IL17RA: variants seen among roughly 807,000 people sequenced by gnomAD.
IL17RA encodes the protein interleukin-17 receptor A.
IL17RA carries 34 observed loss-of-function variants against 50.4 expected under a neutral mutation model. The ratio of observed to expected loss-of-function variants is 0.67; its 90% CI spans 0.51 to 0.90. The LOEUF (loss-of-function observed/expected upper bound fraction) is 0.90. Among genes scored for constraint, IL17RA ranks in the 40% least tolerant of loss-of-function variants. The pLI is 0.00. For synonymous variants in IL17RA, 585 were observed against 510.4 expected (o/e 1.15, Z -1.97); for missense variants, 1,276 against 1,169.8 (o/e 1.09, Z -1.32).
intron 1 of IL17RA, among the ~76,000 whole-genome samples, chr22:17,087,036 C>T (rs1156978120): frequency 6.6e-6 from 1 of 152,210 alleles, no homozygotes; most frequent in African/African-American, 2.4e-5. Context: ...TCATATTTGT[C>T]TGCAGTCTCT....
chr22:17,098,022 C>T, intron 3 of IL17RA, 79 bp downstream of exon 3: 1 of 1,540,596 alleles, frequency 6.5e-7, no homozygotes, highest in Non-Finnish European at 8.9e-7. Context: ...CAGGATTGGG[C>T]TCCCAGTCCT....
In IL17RA at chr22:17,085,156, T is replaced by G; in HGVS notation, c.65T>G (p.Leu22Arg). The part of the protein sequence containing the change: ...PGPLLGLLLL[L>R]LGVLAPGGAS... Reference sequence around the variant, plus strand: ...CCCCTGCTGGGGCTGCTCCTGCTGCTCCTGGGCGTGCTGGCCCCGGGTGGC... The same window carrying G: ...CCCCTGCTGGGGCTGCTCCTGCTGCGCCTGGGCGTGCTGGCCCCGGGTGGC... Residue 22 changes from leucine to arginine, a missense_variant, in exon 1 of 13, where the codon CTC becomes CGC. Transcript: ENST00000319363. 1 of 1,520,534 alleles carries G rather than the reference T, an allele frequency of 6.6e-7. No homozygotes were observed. The highest frequency in any genetic ancestry group is 8.8e-7 in the Non-Finnish European group (1 of 1,140,004). 94.2% of individuals were successfully genotyped at this position (1,520,534 alleles called of 1,614,324 possible).
Position 17,109,189 on chromosome 22 carries a change from G to A in IL17RA, c.1970G>A (p.Arg657Gln), listed in dbSNP as rs1341181529. ...AAGCTGGAACCTCACCTGCAGCCCC[G>A]GGGTCAGCCAGCGCCGCAGCCCCTC... ...VAKLEPHLQP[R>Q]GQPAPQPLHT... is the part of the protein sequence containing the mutation. Residue 657 changes from arginine (R) to glutamine (Q), a missense_variant, in exon 13 of 13, where the codon CGG becomes CAG. Physicochemically the swap from Arg to Gln is conservative, Grantham distance 43. Coordinates refer to ENST00000319363, the MANE Select transcript of IL17RA (RefSeq NM_014339.7). 5.9e-6 allele frequency: 9 copies of A among 1,518,974 alleles called. No homozygotes were observed. In the Middle Eastern group the frequency reaches 6.9e-4, roughly 117 times the overall value. 94.1% of individuals were successfully genotyped at this position (1,518,974 alleles called of 1,614,324 possible).
chr22:17,097,742 G>T, intron 2 of IL17RA, 55 bp from the exon 3 acceptor site: 4 of 1,608,522 alleles, frequency 2.5e-6, no homozygotes, highest in African/African-American at 1.3e-5. Context: ...TGCTGCTGGG[G>T]CATCTCAGGG....
At position 17,102,027 on chromosome 22, in the gene IL17RA, G is replaced by A. The variant is rs774719700; in HGVS notation, c.582G>A (p.Thr194=). 13 of 1,614,190 alleles carry A rather than the reference G, an allele frequency of 8.1e-6. No homozygotes were observed. The highest frequency in any genetic ancestry group is 1.6e-4 in the Middle Eastern group (1 of 6,062). ...DCEHARMKVT[T]PCMSSGSLWD... is the part of the protein sequence containing the mutation. Reference sequence around the variant, plus strand: ...AGCACGCCAGGATGAAGGTAACCACGCCATGCATGAGCTCAGGTAACAGCT... The same window carrying A: ...AGCACGCCAGGATGAAGGTAACCACACCATGCATGAGCTCAGGTAACAGCT... The change falls in exon 6 of 13, where the codon ACG becomes ACA. Residue 194 remains threonine, a synonymous_variant. Transcript: ENST00000319363.
chr22:17,101,991 G>A lies in IL17RA; in HGVS notation c.551-5G>A, dbSNP rs747009874. The stretch of plus-strand genomic sequence containing the variant: ...TAATGAGTTTCCTTTTTTCTGGGTC[G>A]ACAGACTGTGAGCACGCCAGGATGA... On this transcript the variant is annotated splice_region_variant and splice_polypyrimidine_tract_variant and intron_variant, in intron 5 of 12. Transcript: ENST00000319363. The A allele has an allele frequency of 2.5e-6, 4 of 1,614,182 alleles. No homozygotes were observed. Among genetic ancestry groups the A allele is most frequent in the South Asian group, 2.2e-5 (2 of 91,080 alleles).
intron 8 of IL17RA, among the ~76,000 whole-genome samples, chr22:17,104,427 C>T (rs2061405420): frequency 6.6e-6 from 1 of 151,890 alleles, no homozygotes; most frequent in African/African-American, 2.4e-5. Context: ...GGAGCGTGCA[C>T]AGTCTGGCAT....
chr22:17,102,284 C>T lies in IL17RA; in HGVS notation c.744C>T (p.His248=). The change falls in exon 7 of 13, where the codon CAC becomes CAT. Residue 248 remains histidine, a synonymous_variant. Transcript: ENST00000319363. ...TGGAGAACCACAGTTGCTTTGAGCA[C>T]ATGCACCACATACCTGCGGTAACTC... is the stretch of plus-strand genomic sequence containing the variant. ...PHMENHSCFE[H]MHHIPAPRPE... 1 of 1,614,208 alleles carries T rather than the reference C, an allele frequency of 6.2e-7. No individual in the cohort carries two copies. The highest frequency in any genetic ancestry group is 8.5e-7 in the Non-Finnish European group (1 of 1,180,044).
rs1325645993 is a variant in IL17RA at position 17,114,740 on chromosome 22, C to T, written c.*4920C>T. 1.1e-4 allele frequency: 17 copies of T among 152,212 alleles called. No individual in the cohort carries two copies. 9.4% of individuals were successfully genotyped at this position (152,212 alleles called of 1,614,324 possible). On this transcript the variant is annotated 3_prime_UTR_variant, in exon 13 of 13. Transcript: ENST00000319363. ...CTGCTTTTTTGCTAGAATGGCTGAG[C>T]TTTCATGGAAAGGAAGCTGGACCCA...
chr22:17,093,366 G>A (rs1045049386), intron 1 of IL17RA, among the ~76,000 whole-genome samples: 1 of 152,066 alleles, frequency 6.6e-6, no homozygotes, highest in African/African-American at 2.4e-5. Context: ...GGAAAGAGAG[G>A]ATAAGGTTCC....
intron 4 of IL17RA, 78 bp from the exon 5 acceptor site, chr22:17,100,277 G>A: frequency 6.4e-7 from 1 of 1,567,498 alleles, no homozygotes. Context: ...GAGTGGGTGG[G>A]AACGGGGGTC....
At position 17,109,008 on chromosome 22, in the gene IL17RA, GA is replaced by G; in HGVS notation, c.1790del (p.Asp597ValfsTer22). ...GAACCTCTACTCAGCAGATGACCAG[GA>G]TGCCCCGTCCCTGGACGAAGAGGTG... ...CENLYSADDQ[D>X]APSLDEEVFE... On this transcript the variant is annotated frameshift_variant, in exon 13 of 13. Coordinates refer to ENST00000319363, the MANE Select transcript of IL17RA (RefSeq NM_014339.7). LOFTEE classifies it low-confidence loss of function (END_TRUNC). 1 of 1,600,354 alleles carries G rather than the reference GA, an allele frequency of 6.2e-7. No homozygotes were observed. Among genetic ancestry groups the G allele is most frequent in the Non-Finnish European group, 8.5e-7 (1 of 1,179,150 alleles).
At chr22:17,097,273 T>C in intron 2 of IL17RA, 187 bp downstream of exon 2, 1 of 663,204 alleles carries the variant, frequency 1.5e-6, no homozygotes, top group South Asian at 1.6e-5. Flanking sequence ...ACATTCATTA[T>C]GCAAAAGTCA....
In IL17RA at chr22:17,107,811, G is replaced by C. The variant is rs760682017; in HGVS notation, c.1087+43G>C. 23 of 1,574,954 alleles carry C rather than the reference G, an allele frequency of 1.5e-5. No individual in the cohort carries two copies. The Admixed American group carries it at 3.8e-4, about 26-fold the overall frequency. On this transcript the variant is annotated intron_variant, in intron 12 of 12. Transcript: ENST00000319363. ...TGCATGTTTGCTTATTTTTAAAGCA[G>C]TGGAGGGTTCTCCTGGGATAAGTGC...
intron 9 of IL17RA, among the ~76,000 whole-genome samples, chr22:17,105,127 C>T (rs1054081764): frequency 3.3e-5 from 5 of 152,188 alleles, no homozygotes; most frequent in Admixed American, 2.0e-4. Context: ...GAGCGCAGTG[C>T]TCCAACATGC....
At chr22:17,092,091 A>G (rs2061350274) in intron 1 of IL17RA, among the ~76,000 whole-genome samples, 1 of 152,046 alleles carries the variant, frequency 6.6e-6, no homozygotes, top group African/African-American at 2.4e-5. Context: ...TGGGAAGGGG[A>G]GAGGGAACTG....
chr22:17,104,652 C>G, intron 8 of IL17RA, 74 bp from the exon 9 acceptor site: 1 of 1,351,142 alleles, frequency 7.4e-7, no homozygotes, highest in Non-Finnish European at 1.1e-6. Context: ...CCTCCTCTCA[C>G]ATTGCCGCTG....
At chr22:17,089,464 A>G (rs749148118) in intron 1 of IL17RA, among the ~76,000 whole-genome samples, 7 of 152,216 alleles carry the variant, frequency 4.6e-5, no homozygotes, top group Admixed American at 3.9e-4. Context: ...GAGGAGCTCA[A>G]TAAACATCAG....
At chr22:17,106,995 GTTAGGATTGAGA>G (rs2061417595) in intron 11 of IL17RA, among the ~76,000 whole-genome samples, 1 of 152,070 alleles carries the variant, frequency 6.6e-6, no homozygotes, top group African/African-American at 2.4e-5. Flanking sequence ...AGCTGAAAGG[GTTAGGATTGAGA>G]TTAAGGTTCT....
Sources: gnomAD v4.1 joint callset for allele counts (sites outside exome capture counted in the v4.1 genomes callset) on GRCh38, gnomAD v4.1.1 for gene constraint, MANE v1.5 for transcripts, NCBI Gene and HGNC (gene_info 2026-07-23, HGNC 2026-07-21) for gene names.